The following TP73 variants were observed in gnomAD, a reference collection of about 807,000 sequenced individuals.
TP73 encodes the protein tumor protein p73, also known as p53-like transcription factor.
TP73 carries 25 observed loss-of-function variants against 62.5 expected under a neutral mutation model. The ratio of observed to expected loss-of-function variants is 0.40; its 90% CI spans 0.29 to 0.56. The LOEUF (loss-of-function observed/expected upper bound fraction) is 0.56, where lower values mean the gene tolerates loss of function less well. Ranked by LOEUF, TP73 falls within the 20% of genes least tolerant of loss-of-function variation. The pLI, the probability that TP73 is intolerant of heterozygous loss-of-function variation, is 0.46. For missense variants in TP73, 754 were observed against 913.3 expected, an observed-to-expected ratio of 0.83 and a Z score of 2.25; for synonymous variants, 423 against 377.5, an observed-to-expected ratio of 1.12 and a Z score of -1.40.
intron 1 of TP73, among the ~76,000 whole-genome samples, chr1:3,653,037 G>T (rs1240512626): frequency 6.6e-6 from 1 of 151,742 alleles, no homozygotes; most frequent in Non-Finnish European, 1.5e-5. Flanking sequence ...GGTGGAAATC[G>T]CCAGCAAGCT....
chr1:3,653,275 TC>T (rs1213412099), intron 1 of TP73, among the ~76,000 whole-genome samples: 2 of 152,180 alleles, frequency 1.3e-5, no homozygotes, highest in Non-Finnish European at 2.9e-5. Flanking sequence ...TCCGGAGCGG[TC>T]CCAGGTAGAG....
At chr1:3,721,000 C>T (rs1641024211) in intron 4 of TP73, among the ~76,000 whole-genome samples, 1 of 152,230 alleles carries the variant, frequency 6.6e-6, no homozygotes, top group African/African-American at 2.4e-5. Flanking sequence ...GGGGTGGCAG[C>T]AGAAGTCATT....
rs1432244349 is a variant in TP73, at chr1:3,701,027, G to A, written c.187-6522G>A. Among the ~76,000 whole-genome samples, 2 of 152,210 alleles carry A rather than the reference G, an allele frequency of 1.3e-5. No individual in the cohort carries two copies. Among genetic ancestry groups the A allele is most frequent in the Non-Finnish European group, 2.9e-5 (2 of 68,024 alleles). On this transcript the variant is annotated intron_variant, in intron 3 of 13. Coordinates refer to ENST00000378295, the MANE Select transcript of TP73 (RefSeq NM_005427.4). This position sits in a 1 kb window ranked among gnomAD's most constrained non-coding sequence, Gnocchi z 4.7. ...GCAGCCTGGACCCTGGGCACTGTCTGGGCTTGGGGCTGTGGCCGACATGGC... is the reference window on the plus strand; with the variant it reads ...GCAGCCTGGACCCTGGGCACTGTCTAGGCTTGGGGCTGTGGCCGACATGGC...
intron 3 of TP73, among the ~76,000 whole-genome samples, chr1:3,697,844 C>A (rs1323114543): frequency 1.3e-5 from 2 of 152,166 alleles, no homozygotes; most frequent in African/African-American, 2.4e-5. Flanking sequence ...GGCTCTGGGG[C>A]CTCTGCCCTC....
In TP73 at chr1:3,730,129, A is replaced by C; in HGVS notation, c.1326A>C (p.Thr442=). 1 of 1,561,558 alleles carries C rather than the reference A, an allele frequency of 6.4e-7. No individual in the cohort carries two copies. The highest frequency in any genetic ancestry group is 8.7e-7 in the Non-Finnish European group (1 of 1,152,580). The change falls in exon 11 of 14, where the codon ACA becomes ACC. Residue 442 remains threonine, a synonymous_variant. Coordinates refer to ENST00000378295, the MANE Select transcript of TP73 (RefSeq NM_005427.4). ...GQPPPHSSAA[T]PNLGPVGPGM... is the part of the protein sequence containing the mutation. ...CTCCCCCGCACAGTTCGGCAGCTACACCCAACCTGGGGCCCGTGGGTGAGT... is the reference window on the plus strand; with the variant it reads ...CTCCCCCGCACAGTTCGGCAGCTACCCCCAACCTGGGGCCCGTGGGTGAGT...
chr1:3,680,341 G>A (rs1645491456), intron 1 of TP73, among the ~76,000 whole-genome samples: 1 of 152,196 alleles, frequency 6.6e-6, no homozygotes, highest in African/African-American at 2.4e-5. Flanking sequence ...TCAGCTACCA[G>A]GAATGGTGCT....
At position 3,733,157 on chromosome 1, in the gene TP73, C is replaced by G; in HGVS notation, c.*78C>G. 2 of 1,431,080 alleles carry G rather than the reference C, an allele frequency of 1.4e-6. No homozygotes were observed. Among genetic ancestry groups the G allele is most frequent in the Non-Finnish European group, 1.9e-6 (2 of 1,077,676 alleles). The allele number at this position is 1,431,080 out of a possible 1,614,324, so 88.6% of individuals were successfully genotyped here. ...CCCTCTCCTTCCTGTGTGTCCAAAACTGCCTCAGGAGGCAGGACCTTCGGG... is the reference window on the plus strand; with the variant it reads ...CCCTCTCCTTCCTGTGTGTCCAAAAGTGCCTCAGGAGGCAGGACCTTCGGG... On this transcript the variant is annotated 3_prime_UTR_variant, in exon 14 of 14. Coordinates refer to ENST00000378295, the MANE Select transcript of TP73 (RefSeq NM_005427.4).
intron 1 of TP73, among the ~76,000 whole-genome samples, chr1:3,671,066 C>T (rs1645229478): frequency 6.6e-6 from 1 of 152,186 alleles, no homozygotes; most frequent in African/African-American, 2.4e-5. Context: ...AGCCGTCCCT[C>T]GTGGGTGCCA....
intron 1 of TP73, among the ~76,000 whole-genome samples, chr1:3,654,179 A>C (rs946111004): frequency 1.3e-5 from 2 of 152,172 alleles, no homozygotes; most frequent in African/African-American, 4.8e-5. Context: ...GTCTCAAAAA[A>C]TAAGATGAAA....
chr1:3,667,400 G>T (rs1467663278), intron 1 of TP73, among the ~76,000 whole-genome samples: 1 of 152,244 alleles, frequency 6.6e-6, no homozygotes, highest in Non-Finnish European at 1.5e-5. Flanking sequence ...GGCAGCCACA[G>T]AAAACAGACA....
At chr1:3,728,296 G>A (rs1455691273) in intron 9 of TP73, 79 bp downstream of exon 9, 10 of 1,467,440 alleles carry the variant, frequency 6.8e-6, no homozygotes, top group South Asian at 4.8e-5. Flanking sequence ...GGGCCATGGG[G>A]AGGGACTCTG....
rs900346490 is a variant in TP73, at chr1:3,732,715, C to T, written c.1579-32C>T. The T allele has an allele frequency of 3.3e-6, 5 of 1,534,652 alleles. No individual in the cohort carries two copies. The African/African-American group carries it at 6.9e-5, about 21-fold the overall frequency. On this transcript the variant is annotated intron_variant, in intron 13 of 13. Coordinates refer to ENST00000378295, the MANE Select transcript of TP73 (RefSeq NM_005427.4). ...CCCCCCTGCTCTCCCTGCTCCACTG[C>T]CCCCTGCCCCTAATGCGCCGGCCTC...
chr1:3,682,572 C>T, intron 2 of TP73, 142 bp downstream of exon 2: 1 of 833,716 alleles, frequency 1.2e-6, no homozygotes, highest in East Asian at 3.2e-5. Flanking sequence ...GCCACCCTCA[C>T]TGAGACTTTG....
intron 6 of TP73, among the ~76,000 whole-genome samples, chr1:3,725,764 G>GATGGGA (rs1557578259): frequency 4.3e-5 from 1 of 23,324 alleles, no homozygotes; most frequent in Non-Finnish European, 1.1e-4. Flanking sequence ...GATGGATGGG[G>GATGGGA]TGGGGGGGTG....
intron 1 of TP73, among the ~76,000 whole-genome samples, chr1:3,659,910 C>T (rs2102007544): frequency 6.6e-6 from 1 of 152,250 alleles, no homozygotes. Context: ...GAACTCCTGA[C>T]CTCACAGGAT....
intron 11 of TP73, among the ~76,000 whole-genome samples, chr1:3,730,570 T>C (rs544397679): frequency 4.1e-4 from 62 of 152,224 alleles, no homozygotes; most frequent in South Asian, 1.2e-3. Flanking sequence ...CCCCTTCCCC[T>C]GGAAGGTCCT....
chr1:3,730,937 G>T lies in TP73; in HGVS notation c.1356G>T (p.Met452Ile). 6.2e-7 allele frequency: 1 copy of T among 1,607,148 alleles called. No homozygotes were observed. The highest frequency in any genetic ancestry group is 2.2e-5 in the East Asian group (1 of 44,582). ...TPNLGPVGPG[M>I]LNNHGHAVPA... ...CTGCCTCTCACCCAGGCCCCGGGAT[G>T]CTCAACAACCATGGCCACGCAGTGC... Residue 452 changes from methionine to isoleucine, a missense_variant, in exon 12 of 14, where the codon ATG (methionine) becomes ATT (isoleucine). Met to Ile is a conservative substitution (Grantham distance 10). Around this residue, in one of 3 missense-constraint regions of TP73, gnomAD observed 458 missense variants for 528.7 expected, o/e 0.87. Coordinates refer to ENST00000378295, the MANE Select transcript of TP73 (RefSeq NM_005427.4).
At chr1:3,690,932 G>A (rs1212199176) in intron 3 of TP73, 1 of 1,580,054 alleles carries the variant, frequency 6.3e-7, no homozygotes, top group Non-Finnish European at 8.6e-7. Context: ...ACCCCGCACG[G>A]CACCTCGCCA....
At chr1:3,715,627 C>A (rs1640527439) in intron 4 of TP73, among the ~76,000 whole-genome samples, 1 of 152,080 alleles carries the variant, frequency 6.6e-6, no homozygotes, top group Non-Finnish European at 1.5e-5. Context: ...AGGGTGGACC[C>A]AGGTGCCCCA....
Sources: allele counts gnomAD v4.1 joint callset (sites outside exome capture counted in the v4.1 genomes callset), GRCh38; gene constraint gnomAD v4.1.1; regional missense constraint gnomAD v4.1.1; non-coding constraint Gnocchi (gnomAD v3.1); transcripts MANE v1.5; gene names NCBI Gene and HGNC (gene_info 2026-07-23, HGNC 2026-07-21).